SCRN1: variants seen among roughly 807,000 people sequenced by gnomAD.
SCRN1 encodes secernin 1.
SCRN1 carries 19 observed loss-of-function variants against 43.3 expected under a neutral mutation model. That is an observed-to-expected ratio of 0.44 (90% CI 0.31 to 0.64). The LOEUF (loss-of-function observed/expected upper bound fraction) is 0.64, where lower values mean the gene tolerates loss of function less well. Among genes scored for constraint, SCRN1 ranks in the 30% least tolerant of loss-of-function variants. SCRN1 has a pLI of 0.09. For missense variants in SCRN1, 447 were observed against 524.1 expected (o/e 0.85, Z 1.44); for synonymous variants, 183 against 188.9 (o/e 0.97, Z 0.26).
intron 3 of SCRN1, among the ~76,000 whole-genome samples, chr7:29,949,539 G>A (rs540923519): frequency 5.1e-4 from 77 of 151,676 alleles, no homozygotes; most frequent in African/African-American, 1.8e-3. Flanking sequence ...CACTATACTG[G>A]GTTAATTTTG....
intron 3 of SCRN1, among the ~76,000 whole-genome samples, chr7:29,953,738 C>T (rs1229353333): frequency 2.6e-5 from 4 of 152,088 alleles, no homozygotes; most frequent in Non-Finnish European, 5.9e-5. Context: ...AAAGGGTGTC[C>T]CTCGCAGACC....
Position 29,968,995 on chromosome 7 carries a change from C to T in SCRN1, c.73G>A (p.Gly25Arg). ...TCTCTGGGCCGGGCTGAATTTTTCC[C>T]AAATACCACCAGACCATCCTTAGCA... ...PRAKDGLVVF[G>R]KNSARPRDEV... The change falls in exon 2 of 8, where the codon GGG (glycine) becomes AGG (arginine). Residue 25 changes from glycine to arginine, a missense_variant. Coordinates refer to ENST00000242059, the MANE Select transcript of SCRN1 (RefSeq NM_014766.5). 1 of 1,614,062 alleles carries T rather than the reference C, an allele frequency of 6.2e-7. No homozygotes were observed. Among genetic ancestry groups the T allele is most frequent in the Non-Finnish European group, 8.5e-7 (1 of 1,180,002 alleles).
intron 2 of SCRN1, among the ~76,000 whole-genome samples, chr7:29,961,218 C>G (rs1449666253): frequency 2.1e-5 from 3 of 143,122 alleles, no homozygotes; most frequent in Non-Finnish European, 4.6e-5. Flanking sequence ...ACCCTGCGGC[C>G]TTCCGCGGTG....
At position 29,922,090 on chromosome 7, in the gene SCRN1, C is replaced by G. The variant is rs1030668043; in HGVS notation, c.*1867G>C. On this transcript the variant is annotated 3_prime_UTR_variant, in exon 8 of 8. Transcript: ENST00000242059. Reference sequence around the variant, plus strand: ...AGACACTTTTAGAATAGCCGCCCCACCTAAAAGGACACTCTAAATTCACCA... The same window carrying G: ...AGACACTTTTAGAATAGCCGCCCCAGCTAAAAGGACACTCTAAATTCACCA... The G allele has an allele frequency of 2.0e-5, 3 of 152,124 alleles. No individual in the cohort carries two copies. Among genetic ancestry groups the G allele is most frequent in the African/African-American group, 7.2e-5 (3 of 41,434 alleles). 9.4% of individuals were successfully genotyped at this position (152,124 alleles called of 1,614,324 possible). A position where few individuals can be genotyped will look rare whatever the true frequency, so the allele number is the denominator to read the frequency against.
intron 6 of SCRN1, among the ~76,000 whole-genome samples, chr7:29,934,447 G>A (rs373982584): frequency 1.2e-4 from 19 of 152,298 alleles, no homozygotes; most frequent in African/African-American, 4.6e-4. Context: ...GAAGGGTCCT[G>A]TTCCCTAAAA....
intron 3 of SCRN1, chr7:29,947,298 C>A: frequency 6.4e-7 from 1 of 1,550,816 alleles, no homozygotes; most frequent in South Asian, 1.2e-5. Context: ...TCACCCTGCC[C>A]GTTCCTGAAA....
intron 3 of SCRN1, among the ~76,000 whole-genome samples, chr7:29,949,972 C>A (rs2128092642): frequency 6.6e-6 from 1 of 152,328 alleles, no homozygotes; most frequent in South Asian, 2.1e-4. Flanking sequence ...CTGGAGGAGC[C>A]ACTGTGAAGA....
rs1787771843 is a variant in SCRN1, at chr7:29,947,441, T to A, written c.342-3262A>T. The A allele has an allele frequency of 2.3e-6, 3 of 1,286,560 alleles. No individual in the cohort carries two copies. In the South Asian group the frequency reaches 4.7e-5, roughly 20 times the overall value. 79.7% of individuals were successfully genotyped at this position (1,286,560 alleles called of 1,614,324 possible). On this transcript the variant is annotated intron_variant, in intron 3 of 7. Transcript: ENST00000242059. ...ATTAGGAGATCCCTGTCCTTTTCTA[T>A]CTCAAATCAGGTAAAACTAGATTTG... is the stretch of plus-strand genomic sequence containing the variant.
chr7:29,969,580 C>T (rs1304317483), intron 1 of SCRN1, among the ~76,000 whole-genome samples: 1 of 152,178 alleles, frequency 6.6e-6, no homozygotes. Flanking sequence ...TAGTTTTACT[C>T]CACCTCGATG....
At position 29,965,539 on chromosome 7, in the gene SCRN1, CAAT is replaced by C. The variant is rs1788459501; in HGVS notation, c.159+3367_159+3369del. Among the ~76,000 whole-genome samples the C allele has an allele frequency of 6.6e-6, 1 of 151,934 alleles. No homozygotes were observed. Among genetic ancestry groups the C allele is most frequent in the South Asian group, 2.1e-4 (1 of 4,826 alleles). ...CTTCTAGTATAAACTACGTGGCCGACAATGCATATGTTGTTACAGCAACATATA... is the reference window on the plus strand; with the variant it reads ...CTTCTAGTATAAACTACGTGGCCGACGCATATGTTGTTACAGCAACATATA... On this transcript the variant is annotated intron_variant, in intron 2 of 7. Transcript: ENST00000242059. This position sits in a 1 kb window ranked among gnomAD's most constrained non-coding sequence, Gnocchi z 4.2.
At chr7:29,958,359 A>G (rs980773856) in intron 2 of SCRN1, among the ~76,000 whole-genome samples, 1 of 152,226 alleles carries the variant, frequency 6.6e-6, no homozygotes, top group African/African-American at 2.4e-5. Flanking sequence ...AGGAACACTT[A>G]CACAAAATTT....
At chr7:29,927,932 C>T (rs549130350) in intron 6 of SCRN1, among the ~76,000 whole-genome samples, 8 of 152,082 alleles carry the variant, frequency 5.3e-5, no homozygotes, top group Admixed American at 2.0e-4. Context: ...CCCAGCCTGG[C>T]CAACATGGTA....
Position 29,940,765 on chromosome 7 carries a change from T to A in SCRN1, c.656A>T (p.Glu219Val), listed in dbSNP as rs768053514. 1.9e-6 allele frequency: 3 copies of A among 1,610,492 alleles called. No individual in the cohort carries two copies. In the East Asian group the frequency reaches 6.7e-5, roughly 36 times the overall value. ...AGAAAAGACTTCGGAAAAATTGAAC[T>A]CGCCCTCTCCCGTCCACCAACCTTG... ...QSQGWWTGEG[E>V]FNFSEVFSPV... is the part of the protein sequence containing the mutation. The change falls in exon 5 of 8, where the codon GAG becomes GTG. Residue 219 changes from glutamate to valine, a missense_variant. Transcript: ENST00000242059.
intron 1 of SCRN1, among the ~76,000 whole-genome samples, chr7:29,973,823 A>C (rs1247392977): frequency 6.6e-6 from 1 of 152,256 alleles, no homozygotes; most frequent in African/African-American, 2.4e-5. Flanking sequence ...AGGGGTATGC[A>C]TAAGTGTTCA....
chr7:29,974,227 G>C (rs1157428289), intron 1 of SCRN1, among the ~76,000 whole-genome samples: 1 of 152,122 alleles, frequency 6.6e-6, no homozygotes, highest in Non-Finnish European at 1.5e-5. Context: ...TAATTTTAAA[G>C]AAAAATTTTA....
intron 1 of SCRN1, among the ~76,000 whole-genome samples, chr7:29,986,813 C>T (rs1358911029): frequency 2.0e-5 from 3 of 150,760 alleles, no homozygotes; most frequent in Non-Finnish European, 4.4e-5. Context: ...CAACCTCCGC[C>T]TCCCGGGTTC....
intron 5 of SCRN1, among the ~76,000 whole-genome samples, chr7:29,937,357 C>T (rs1025386634): frequency 4.6e-5 from 7 of 152,174 alleles, no homozygotes; most frequent in African/African-American, 1.4e-4. Flanking sequence ...TGCAAACAAG[C>T]GGACCACAAA....
upstream of SCRN1, chr7:29,989,955 A>AG: frequency 2.5e-6 from 3 of 1,217,508 alleles, no homozygotes; most frequent in Non-Finnish European, 3.1e-6. Flanking sequence ...TCGAGTAGGG[A>AG]GGGGGCCTGG....
intron 1 of SCRN1, among the ~76,000 whole-genome samples, chr7:29,971,512 A>T (rs1788664001): frequency 6.6e-6 from 1 of 151,942 alleles, no homozygotes; most frequent in Admixed American, 6.6e-5. Flanking sequence ...ATGCACCTGT[A>T]GTCCCAGCTA....
Sources: gnomAD v4.1 joint callset for allele counts (sites outside exome capture counted in the v4.1 genomes callset) on GRCh38, gnomAD v4.1.1 for gene constraint, Gnocchi (gnomAD v3.1) non-coding constraint, MANE v1.5 for transcripts, NCBI Gene and HGNC (gene_info 2026-07-23, HGNC 2026-07-21) for gene names.